PRKG1: variants seen among roughly 807,000 people sequenced by gnomAD.
PRKG1 encodes the protein protein kinase cGMP-dependent 1, also known as cGMP-dependent protein kinase 1.
Under a neutral mutation model 88.1 loss-of-function variants are expected in PRKG1, and 35 were observed. The observed-to-expected ratio is 0.40, with a 90% CI of 0.30 to 0.53. The LOEUF (loss-of-function observed/expected upper bound fraction) is 0.53, where lower values mean the gene tolerates loss of function less well. PRKG1 is among the 20% of genes least tolerant of loss of function. PRKG1 has a pLI of 0.59. For missense variants in PRKG1, 540 were observed against 839.8 expected (o/e 0.64, Z 4.41); for synonymous variants, 303 against 292.5 (o/e 1.04, Z -0.37).
chr10:51,523,878 A>G (rs1330633697), intron 3 of PRKG1, among the ~76,000 whole-genome samples: 1 of 152,158 alleles, frequency 6.6e-6, no homozygotes. Context: ...TTGATAATTG[A>G]TATGGTTTGG....
chr10:51,646,726 A>G (rs906348329), intron 3 of PRKG1, among the ~76,000 whole-genome samples: 1 of 151,948 alleles, frequency 6.6e-6, no homozygotes, highest in African/African-American at 2.4e-5. Flanking sequence ...GTATTTTTTA[A>G]CTAAAAACAG....
intron 7 of PRKG1, among the ~76,000 whole-genome samples, chr10:52,073,681 G>A (rs780658873): frequency 1.3e-5 from 2 of 152,172 alleles, no homozygotes; most frequent in African/African-American, 4.8e-5. Flanking sequence ...ACATAGGCAT[G>A]TAGAAGCTGA....
chr10:51,637,471 G>A (rs1331094774), intron 3 of PRKG1, among the ~76,000 whole-genome samples: 5 of 152,198 alleles, frequency 3.3e-5, no homozygotes, highest in African/African-American at 1.2e-4. Context: ...GCATATGTAT[G>A]CGTTCATTGC....
chr10:52,269,573 C>T (rs1289558645), intron 10 of PRKG1, among the ~76,000 whole-genome samples: 1 of 152,074 alleles, frequency 6.6e-6, no homozygotes, highest in Non-Finnish European at 1.5e-5. Flanking sequence ...ACACTTAAGA[C>T]CTTCGCTATC....
chr10:51,403,597 T>C (rs993282993), intron 2 of PRKG1, among the ~76,000 whole-genome samples: 2 of 152,104 alleles, frequency 1.3e-5, no homozygotes, highest in Non-Finnish European at 2.9e-5. Context: ...CAATAATCCA[T>C]TTAAGTAAGT....
chr10:51,586,861 C>A (rs1165329624), intron 3 of PRKG1, among the ~76,000 whole-genome samples: 1 of 152,026 alleles, frequency 6.6e-6, no homozygotes, highest in Non-Finnish European at 1.5e-5. Flanking sequence ...TGCAGCTGTT[C>A]CTGGTATGAG....
chr10:51,080,437 A>AT (rs35603562), intron 1 of PRKG1, among the ~76,000 whole-genome samples: 52,262 of 151,222 alleles, frequency 0.35, 11,497 homozygotes, highest in African/African-American at 0.63. Context: ...ATATGGACAC[A>AT]TTTTTTTTTC....
At chr10:51,113,867 T>G (rs1377905209) in intron 1 of PRKG1, among the ~76,000 whole-genome samples, 2 of 151,952 alleles carry the variant, frequency 1.3e-5, no homozygotes, top group Non-Finnish European at 2.9e-5. Flanking sequence ...ACCTATGAGC[T>G]TCACACTCAG....
intron 3 of PRKG1, among the ~76,000 whole-genome samples, chr10:51,639,402 C>A (rs1409650247): frequency 1.6e-5 from 2 of 121,554 alleles, no homozygotes; most frequent in African/African-American, 3.1e-5. Context: ...CCACTACACT[C>A]CAGCCTGGGC....
chr10:51,717,703 G>A (rs1841918540), intron 3 of PRKG1, among the ~76,000 whole-genome samples: 1 of 152,050 alleles, frequency 6.6e-6, no homozygotes, highest in Non-Finnish European at 1.5e-5. Flanking sequence ...ATGGTGGCAT[G>A]TGCCTGTAGT....
intron 2 of PRKG1, among the ~76,000 whole-genome samples, chr10:51,332,099 C>A (rs1390346659): frequency 2.0e-5 from 3 of 152,096 alleles, no homozygotes; most frequent in African/African-American, 7.2e-5. Context: ...GATAGATATC[C>A]ATCAAATCCC....
intron 1 of PRKG1, among the ~76,000 whole-genome samples, chr10:51,081,145 C>A (rs1291974082): frequency 6.6e-6 from 1 of 152,038 alleles, no homozygotes; most frequent in Non-Finnish European, 1.5e-5. Flanking sequence ...AGGGGAGACT[C>A]CATATCTTGT....
chr10:51,474,229 A>T (rs61849780), intron 3 of PRKG1, among the ~76,000 whole-genome samples: 28,027 of 151,872 alleles, frequency 0.18, 2,723 homozygotes, highest in Middle Eastern at 0.26. Context: ...GAGAAGGAGG[A>T]CCATAAGTCT....
chr10:51,972,148 G>A (rs1298004075), intron 5 of PRKG1, among the ~76,000 whole-genome samples: 1 of 152,022 alleles, frequency 6.6e-6, no homozygotes. Context: ...ATATGTATGA[G>A]CATGTGTAAT....
chr10:51,670,031 A>G (rs1840518908), intron 3 of PRKG1, among the ~76,000 whole-genome samples: 1 of 152,172 alleles, frequency 6.6e-6, no homozygotes, highest in South Asian at 2.1e-4. Context: ...TTTTAGCTGT[A>G]CATATTTTAA....
chr10:51,583,749 T>A (rs762686800), intron 3 of PRKG1, among the ~76,000 whole-genome samples: 1 of 152,154 alleles, frequency 6.6e-6, no homozygotes, highest in Non-Finnish European at 1.5e-5. Flanking sequence ...GTGAGTAGGA[T>A]GAATTATACC....
intron 3 of PRKG1, among the ~76,000 whole-genome samples, chr10:51,770,992 A>G (rs1395244932): frequency 1.3e-5 from 2 of 152,178 alleles, no homozygotes; most frequent in South Asian, 4.1e-4. Flanking sequence ...ATAGCCTGCT[A>G]CACCCCTAGG....
chr10:51,883,165 T>A (rs938696483), intron 4 of PRKG1, among the ~76,000 whole-genome samples: 1 of 152,230 alleles, frequency 6.6e-6, no homozygotes, highest in African/African-American at 2.4e-5. Flanking sequence ...TCAGCACTCC[T>A]GGTTCTCTTG....
At chr10:51,535,815 C>T (rs574725144) in intron 3 of PRKG1, among the ~76,000 whole-genome samples, 18 of 151,746 alleles carry the variant, frequency 1.2e-4, no homozygotes, top group Admixed American at 1.0e-3. Context: ...ACTCCGCCTC[C>T]CGGTTCAAGC....
Sources: gnomAD v4.1 joint callset for allele counts (sites outside exome capture counted in the v4.1 genomes callset) on GRCh38, gnomAD v4.1.1 for gene constraint, MANE v1.5 for transcripts, NCBI Gene and HGNC (gene_info 2026-07-23, HGNC 2026-07-21) for gene names.